Variants in NOSTRIN observed in about 807,000 individuals in gnomAD.
NOSTRIN encodes the protein BM247 homolog.
NOSTRIN carries 63 observed loss-of-function variants against 59.0 expected under a neutral mutation model. That is an observed-to-expected ratio of 1.07 (90% confidence interval 0.87 to 1.32). NOSTRIN has a LOEUF of 1.32. Among genes scored for constraint, NOSTRIN ranks in the 40% most tolerant of loss-of-function variants. The probability of loss-of-function intolerance (pLI) is 0.00; values close to 1 mark genes in which losing one functional copy is unlikely to be tolerated. For synonymous variants in NOSTRIN, 200 were observed against 165.4 expected (o/e 1.21, Z -1.61); for missense variants, 512 against 473.1 (o/e 1.08, Z -0.76).
At chr2:168,857,359 C>T (rs561687364) in intron 12 of NOSTRIN, among the ~76,000 whole-genome samples, 200 of 151,914 alleles carry the variant, frequency 1.3e-3, no homozygotes, top group Admixed American at 1.7e-3. Context: ...AAAGGAAAGA[C>T]GTGGTTGCAG....
At chr2:168,834,541 A>ACACACACACACACCCC (rs58702721) in intron 7 of NOSTRIN, among the ~76,000 whole-genome samples, 2 of 140,362 alleles carry the variant, frequency 1.4e-5, no homozygotes, top group Non-Finnish European at 3.1e-5. Context: ...ACACACACAC[A>ACACACACACACACCCC]CCACATACAT....
chr2:168,797,085 T>TTC (rs1553519721), upstream of NOSTRIN, among the ~76,000 whole-genome samples: 3 of 94,144 alleles, frequency 3.2e-5, no homozygotes, highest in Non-Finnish European at 6.2e-5. Flanking sequence ...TTTTCTTTTT[T>TTC]TTTTTTTTTT....
At chr2:168,808,735 T>A (rs533955374) in intron 1 of NOSTRIN, among the ~76,000 whole-genome samples, 9 of 152,214 alleles carry the variant, frequency 5.9e-5, no homozygotes, top group Non-Finnish European at 1.2e-4. Context: ...ACTTACTATG[T>A]CCTTGGATAG....
At chr2:168,807,360 C>T (rs1378855351) in intron 1 of NOSTRIN, among the ~76,000 whole-genome samples, 1 of 152,048 alleles carries the variant, frequency 6.6e-6, no homozygotes, top group Non-Finnish European at 1.5e-5. Flanking sequence ...TTTTTGTCTC[C>T]AAGTCTCAGT....
intron 5 of NOSTRIN, 132 bp from the exon 6 acceptor site, chr2:168,831,340 C>T: frequency 1.6e-6 from 1 of 608,054 alleles, no homozygotes; most frequent in South Asian, 2.1e-5. Flanking sequence ...CTCAGAGCCT[C>T]CACCTCCAAA....
At chr2:168,830,812 T>G (rs963057407) in intron 5 of NOSTRIN, among the ~76,000 whole-genome samples, 1 of 152,086 alleles carries the variant, frequency 6.6e-6, no homozygotes, top group African/African-American at 2.4e-5. Flanking sequence ...AGTGTTGAGG[T>G]TTTTGCTGCA....
At chr2:168,849,691 AT>A (rs1688639503) in intron 8 of NOSTRIN, among the ~76,000 whole-genome samples, 1 of 141,276 alleles carries the variant, frequency 7.1e-6, no homozygotes, top group African/African-American at 2.5e-5. Flanking sequence ...AAAAAAAAAG[AT>A]GGGAAGAATT....
intron 2 of NOSTRIN, among the ~76,000 whole-genome samples, chr2:168,814,711 G>A (rs1490365597): frequency 6.6e-6 from 1 of 152,198 alleles, no homozygotes; most frequent in Non-Finnish European, 1.5e-5. Flanking sequence ...AGGACATGGG[G>A]TTTTGAATGA....
intron 2 of NOSTRIN, among the ~76,000 whole-genome samples, chr2:168,822,955 G>A (rs1301121971): frequency 6.6e-6 from 1 of 152,116 alleles, no homozygotes; most frequent in Non-Finnish European, 1.5e-5. Context: ...TCTGATTAGT[G>A]CTAATATCCC....
At chr2:168,830,272 C>T (rs528170940) in intron 5 of NOSTRIN, among the ~76,000 whole-genome samples, 23 of 152,176 alleles carry the variant, frequency 1.5e-4, no homozygotes, top group Non-Finnish European at 3.2e-4. Context: ...TAATGGATGT[C>T]ATGAGCACCC....
intron 2 of NOSTRIN, among the ~76,000 whole-genome samples, chr2:168,814,984 C>T (rs372736892): frequency 6.6e-6 from 1 of 152,034 alleles, no homozygotes; most frequent in Non-Finnish European, 1.5e-5. Context: ...GAGAAGAAGG[C>T]CTTTATTGTC....
Position 168,865,044 on chromosome 2 carries a change from C to A in NOSTRIN, c.*74C>A. 6 of 1,503,846 alleles carry A rather than the reference C, an allele frequency of 4.0e-6. No homozygotes were observed. Among genetic ancestry groups the A allele is most frequent in the Non-Finnish European group, 5.4e-6 (6 of 1,103,460 alleles). 93.2% of individuals were successfully genotyped at this position (1,503,846 alleles called of 1,614,324 possible). A position where few individuals can be genotyped will look rare whatever the true frequency, so the allele number is the denominator to read the frequency against. On this transcript the variant is annotated 3_prime_UTR_variant, in exon 16 of 16. Transcript: ENST00000317647. The stretch of plus-strand genomic sequence containing the variant: ...GTGTGGTTCAAATAAGAATAAAGTG[C>A]TCTTACCTTTACATGTTTTTCTTTT...
intron 2 of NOSTRIN, among the ~76,000 whole-genome samples, chr2:168,821,367 G>A (rs1686727497): frequency 1.3e-5 from 2 of 152,222 alleles, no homozygotes; most frequent in Admixed American, 6.5e-5. Context: ...GTGGTGAGGT[G>A]AGAACAAACC....
intron 1 of NOSTRIN, among the ~76,000 whole-genome samples, chr2:168,808,304 G>A (rs1254713536): frequency 9.2e-5 from 14 of 152,148 alleles, no homozygotes. Flanking sequence ...CTGTGGTGAT[G>A]GTGGACTGGT....
chr2:168,864,750 A>G (rs1689746889), intron 15 of NOSTRIN, 84 bp from the exon 16 acceptor site: 1 of 1,503,952 alleles, frequency 6.6e-7, no homozygotes, highest in Admixed American at 1.9e-5. Flanking sequence ...TCCTTGAAGC[A>G]GAACCTCCTT....
chr2:168,845,846 A>G (rs1231711062), intron 8 of NOSTRIN, among the ~76,000 whole-genome samples: 2 of 145,000 alleles, frequency 1.4e-5, no homozygotes, highest in South Asian at 4.3e-4. Context: ...ACTCATCATA[A>G]TGTCCTTGAG....
At chr2:168,844,401 A>AC (rs1163352723) in intron 8 of NOSTRIN, among the ~76,000 whole-genome samples, 7 of 151,872 alleles carry the variant, frequency 4.6e-5, no homozygotes, top group Non-Finnish European at 7.4e-5. Context: ...TTTAAAAAAA[A>AC]AATGTTTAAA....
upstream of NOSTRIN, among the ~76,000 whole-genome samples, chr2:168,797,083 T>TC (rs71003057): frequency 3.4e-4 from 22 of 65,258 alleles, no homozygotes; most frequent in African/African-American, 1.3e-3. Flanking sequence ...TTTTTTCTTT[T>TC]TTTTTTTTTT....
At chr2:168,834,506 C>CA (rs1401818072) in intron 7 of NOSTRIN, among the ~76,000 whole-genome samples, 181 bp downstream of exon 7, 1 of 122,332 alleles carries the variant, frequency 8.2e-6, no homozygotes, top group African/African-American at 3.0e-5. Flanking sequence ...CGCGCGCGCG[C>CA]GCACACACAC....
Sources: gnomAD v4.1 joint callset for allele counts (sites outside exome capture counted in the v4.1 genomes callset) on GRCh38, gnomAD v4.1.1 for gene constraint, MANE v1.5 for transcripts, NCBI Gene and HGNC (gene_info 2026-07-23, HGNC 2026-07-21) for gene names.